The following SLC35G2 variants were observed in gnomAD, a reference collection of about 807,000 sequenced individuals.
The protein encoded by SLC35G2 is solute carrier family 35 member G2.
In SLC35G2, 20 loss-of-function variants were observed where a neutral mutation model predicts 27.2. The observed-to-expected ratio is 0.74, with a 90% confidence interval of 0.52 to 1.07. The LOEUF (loss-of-function observed/expected upper bound fraction) is 1.07. Ranked by LOEUF, SLC35G2 falls within the 50% of genes least tolerant of loss-of-function variation. The pLI is 0.00. For synonymous variants in SLC35G2, 148 were observed against 165.3 expected (o/e 0.90, Z 0.80); for missense variants, 416 against 493.3 (o/e 0.84, Z 1.48).
intron 1 of SLC35G2, among the ~76,000 whole-genome samples, chr3:136,829,732 A>G (rs1267339256): frequency 6.6e-6 from 1 of 151,900 alleles, no homozygotes; most frequent in African/African-American, 2.4e-5. Context: ...CACTTTAAAT[A>G]TGTCTTGCCA....
chr3:136,838,417 T>C (rs1307189727), intron 1 of SLC35G2: 2 of 152,130 alleles, frequency 1.3e-5, no homozygotes, highest in East Asian at 3.9e-4. Context: ...AAATTTGACA[T>C]ATGGTTTGGT....
intron 1 of SLC35G2, among the ~76,000 whole-genome samples, chr3:136,849,289 G>A (rs1055824157): frequency 6.6e-6 from 1 of 151,078 alleles, no homozygotes; most frequent in African/African-American, 2.4e-5. Flanking sequence ...AATTTTTATT[G>A]CGTGCTAAAT....
intron 1 of SLC35G2, among the ~76,000 whole-genome samples, chr3:136,847,155 C>A (rs1006092836): frequency 6.6e-6 from 1 of 151,650 alleles, no homozygotes; most frequent in Non-Finnish European, 1.5e-5. Flanking sequence ...CTAGCCTGGG[C>A]GACAGAGTGA....
chr3:136,855,439 T>G lies in SLC35G2; in HGVS notation c.979T>G (p.Cys327Gly). 1 of 1,614,214 alleles carries G rather than the reference T, an allele frequency of 6.2e-7. No homozygotes were observed. The highest frequency in any genetic ancestry group is 8.5e-7 in the Non-Finnish European group (1 of 1,180,036). Residue 327 changes from cysteine to glycine, a missense_variant, in exon 2 of 2, where the codon TGT (cysteine) becomes GGT (glycine). Coordinates refer to ENST00000446465, the MANE Select transcript of SLC35G2 (RefSeq NM_025246.3). ...GAGTTATCTCATTGCTATATGTGTC[T>G]GTTCTACTGCAGCATTCTTAGGAGT... Reference protein sequence around the residue: ...TWSYLIAICVCSTAAFLGVYY... With the variant: ...TWSYLIAICVGSTAAFLGVYY...
At chr3:136,833,080 A>C (rs1368954248) in intron 1 of SLC35G2, among the ~76,000 whole-genome samples, 2 of 151,908 alleles carry the variant, frequency 1.3e-5, no homozygotes, top group East Asian at 3.9e-4. Flanking sequence ...AAAAAAAAAA[A>C]AAAAAAAAAG....
At chr3:136,823,529 T>G (rs745435205) in intron 1 of SLC35G2, among the ~76,000 whole-genome samples, 1 of 152,138 alleles carries the variant, frequency 6.6e-6, no homozygotes, top group Admixed American at 6.6e-5. Flanking sequence ...CTTGAAGTAG[T>G]TTTATAGTTC....
intron 1 of SLC35G2, among the ~76,000 whole-genome samples, chr3:136,827,997 T>C (rs1936627280): frequency 6.6e-6 from 1 of 152,138 alleles, no homozygotes. Context: ...CAGCTAATTT[T>C]TGCATTTTCA....
Position 136,854,714 on chromosome 3 carries a change from A to G in SLC35G2, c.254A>G (p.Asn85Ser), listed in dbSNP as rs373688590. The G allele has an allele frequency of 5.8e-5, 93 of 1,614,174 alleles. 3 individuals carry two copies. In the South Asian group the frequency reaches 9.2e-4, roughly 16 times the overall value. ...CCACCAACAGAAGACCCAATGATCA[A>G]TGAGATTGGACAATTCCAGAGCTTT... ...LPPPTEDPMI[N>S]EIGQFQSFAE... Residue 85 changes from asparagine (N) to serine (S), a missense_variant, in exon 2 of 2, where the codon AAT becomes AGT. By Grantham distance (46) the Asn-to-Ser change is conservative (BLOSUM62 1). Coordinates refer to ENST00000446465, the MANE Select transcript of SLC35G2 (RefSeq NM_025246.3).
rs1937910203 is a variant in SLC35G2, at chr3:136,854,915, G to A, written c.455G>A (p.Cys152Tyr). 6 of 1,614,106 alleles carry A rather than the reference G, an allele frequency of 3.7e-6. No individual in the cohort carries two copies. Among genetic ancestry groups the A allele is most frequent in the Non-Finnish European group, 5.1e-6 (6 of 1,180,000 alleles). The change falls in exon 2 of 2, where the codon TGT becomes TAT. Residue 152 changes from cysteine to tyrosine, a missense_variant. Cys to Tyr is a radical substitution (Grantham distance 194). Coordinates refer to ENST00000446465, the MANE Select transcript of SLC35G2 (RefSeq NM_025246.3). Reference sequence around the variant, plus strand: ...CAGGTCTTATCTGTGTTAGTTGTGTGTTACTATCAGGAGGCCCCCTTTGGA... The same window carrying A: ...CAGGTCTTATCTGTGTTAGTTGTGTATTACTATCAGGAGGCCCCCTTTGGA... ...VFQVLSVLVV[C>Y]YYQEAPFGPS...
intron 1 of SLC35G2, among the ~76,000 whole-genome samples, chr3:136,836,267 T>C (rs1019139784): frequency 5.9e-5 from 9 of 152,126 alleles, no homozygotes; most frequent in African/African-American, 1.9e-4. Flanking sequence ...CTTATTCTAT[T>C]TGTAACTTCC....
Position 136,854,583 on chromosome 3 carries a change from C to T in SLC35G2, c.123C>T (p.Ile41=), listed in dbSNP as rs377646587. The change falls in exon 2 of 2, where the codon ATC becomes ATT. Residue 41 remains isoleucine (I), a synonymous_variant. Transcript: ENST00000446465. ...PQPGDDGYEE[I]NEGYGNFMEE... is the part of the protein sequence containing the mutation. Reference sequence around the variant, plus strand: ...CTGGCGATGATGGATATGAAGAAATCAATGAAGGCTATGGAAATTTTATGG... The same window carrying T: ...CTGGCGATGATGGATATGAAGAAATTAATGAAGGCTATGGAAATTTTATGG... The T allele has an allele frequency of 1.2e-6, 2 of 1,612,840 alleles. No homozygotes were observed. Among genetic ancestry groups the T allele is most frequent in the South Asian group, 2.2e-5 (2 of 90,708 alleles).
rs1937970951 is a variant in SLC35G2 at position 136,855,524 on chromosome 3, TTG to T, written c.1067_1068del (p.Val356GlyfsTer15). 1 of 1,614,026 alleles carries T rather than the reference TTG, an allele frequency of 6.2e-7. No individual in the cohort carries two copies. Among genetic ancestry groups the T allele is most frequent in the African/African-American group, 1.3e-5 (1 of 74,942 alleles). On this transcript the variant is annotated frameshift_variant, in exon 2 of 2. Transcript: ENST00000446465. LOFTEE classifies it high-confidence loss of function. ...GTTAGCACAGTACAACATTTGGAGATTGTGGTAGCTATGGTCTTGCAGCTTCT... is the reference window on the plus strand; with the variant it reads ...GTTAGCACAGTACAACATTTGGAGATTGGTAGCTATGGTCTTGCAGCTTCT...
chr3:136,824,610 G>A (rs4678446), intron 1 of SLC35G2, among the ~76,000 whole-genome samples: 152,322 of 152,362 alleles, frequency 1, 76,141 homozygotes, highest in Middle Eastern at 1. Flanking sequence ...TCTGTAAACA[G>A]TAGTTTACTA....
intron 1 of SLC35G2, among the ~76,000 whole-genome samples, chr3:136,827,893 C>G (rs2107998474): frequency 6.7e-6 from 1 of 150,314 alleles, no homozygotes; most frequent in Middle Eastern, 3.4e-3. Flanking sequence ...GTGGCATGAT[C>G]TCGGCTCACT....
intron 1 of SLC35G2, among the ~76,000 whole-genome samples, chr3:136,835,745 G>C (rs1329858872): frequency 6.6e-6 from 1 of 151,914 alleles, no homozygotes; most frequent in African/African-American, 2.4e-5. Flanking sequence ...CTTCTTATTG[G>C]CTTATTTCCA....
chr3:136,825,687 A>C (rs1370484147), intron 1 of SLC35G2, among the ~76,000 whole-genome samples: 3 of 152,158 alleles, frequency 2.0e-5, no homozygotes, highest in Non-Finnish European at 2.9e-5. Flanking sequence ...TATTCTGTTG[A>C]TATAATTTAT....
intron 1 of SLC35G2, among the ~76,000 whole-genome samples, chr3:136,836,307 A>G (rs955358446): frequency 2.6e-5 from 4 of 152,158 alleles, no homozygotes; most frequent in Non-Finnish European, 5.9e-5. Context: ...TCTGGCTTCC[A>G]TTATCCTCGA....
chr3:136,830,104 C>CTTTTTTT (rs71134418), intron 1 of SLC35G2, among the ~76,000 whole-genome samples: 44 of 88,816 alleles, frequency 5.0e-4, no homozygotes, highest in African/African-American at 6.6e-4. Context: ...TACATTATTT[C>CTTTTTTT]TTTTTTTTTT....
intron 1 of SLC35G2, among the ~76,000 whole-genome samples, chr3:136,852,103 GA>G (rs1199959971): frequency 2.0e-5 from 3 of 152,102 alleles, no homozygotes; most frequent in Admixed American, 1.3e-4. Flanking sequence ...GGACATTAGG[GA>G]AAAAAATCTA....
Sources: allele counts gnomAD v4.1 joint callset (sites outside exome capture counted in the v4.1 genomes callset), GRCh38; gene constraint gnomAD v4.1.1; transcripts MANE v1.5; gene names NCBI Gene and HGNC (gene_info 2026-07-23, HGNC 2026-07-21).